SLC25A43: variants seen among roughly 807,000 people sequenced by gnomAD.
The protein encoded by SLC25A43 is solute carrier family 25, member 43.
In SLC25A43, 10 loss-of-function variants were observed where a neutral mutation model predicts 22.8. The ratio of observed to expected loss-of-function variants is 0.44; its 90% CI spans 0.27 to 0.74. SLC25A43 has a LOEUF of 0.74. Ranked by LOEUF, SLC25A43 falls within the 30% of genes least tolerant of loss-of-function variation. The pLI, the probability that SLC25A43 is intolerant of heterozygous loss-of-function variation, is 0.17. For missense variants in SLC25A43, 233 were observed against 279.1 expected, an observed-to-expected ratio of 0.83 and a Z score of 1.18; for synonymous variants, 106 against 121.6, an observed-to-expected ratio of 0.87 and a Z score of 0.84.
chrX:119,408,855 C>T (rs2052321914), intron 2 of SLC25A43, among the ~76,000 whole-genome samples: 1 of 110,575 alleles, frequency 9.0e-6, no homozygotes, highest in Non-Finnish European at 1.9e-5. Context: ...ATGATATGAC[C>T]ATGTCATTCC....
At chrX:119,433,056 C>T (rs2052568042) in intron 3 of SLC25A43, among the ~76,000 whole-genome samples, 1 of 111,389 alleles carries the variant, frequency 9.0e-6, no homozygotes, top group African/African-American at 3.3e-5. Context: ...CGAGATTGCA[C>T]CACTGCACTC....
intron 4 of SLC25A43, among the ~76,000 whole-genome samples, chrX:119,452,502 A>C (rs554987615): frequency 1.6e-3 from 180 of 111,117 alleles, no homozygotes; most frequent in South Asian, 6.4e-3. Flanking sequence ...CAAAAAAAAA[A>C]AAAAACAAAA....
At chrX:119,413,228 T>G (rs772842365) in intron 3 of SLC25A43, among the ~76,000 whole-genome samples, 2 of 111,264 alleles carry the variant, frequency 1.8e-5, no homozygotes, top group East Asian at 5.6e-4. Context: ...TGTAGAAAAT[T>G]TGGGACATAC....
chrX:119,401,965 AT>A (rs2052242407), intron 1 of SLC25A43, among the ~76,000 whole-genome samples: 2 of 110,629 alleles, frequency 1.8e-5, no homozygotes, highest in African/African-American at 3.3e-5. Context: ...TTTGCTAGGA[AT>A]TTTTTTTCCC....
At chrX:119,408,690 T>G (rs144518174) in intron 2 of SLC25A43, among the ~76,000 whole-genome samples, 173 of 112,195 alleles carry the variant, frequency 1.5e-3, no homozygotes, top group African/African-American at 5.4e-3. Flanking sequence ...ATTTTAAATT[T>G]CATTTTGAGG....
intron 3 of SLC25A43, among the ~76,000 whole-genome samples, chrX:119,444,675 C>A (rs1271225735): frequency 1.8e-4 from 19 of 104,519 alleles, no homozygotes; most frequent in Non-Finnish European, 3.1e-4. Context: ...TGCACTCCAG[C>A]CTGGGCAAAA....
At chrX:119,446,838 G>C (rs184248815) in intron 3 of SLC25A43, among the ~76,000 whole-genome samples, 26 of 112,398 alleles carry the variant, frequency 2.3e-4, no homozygotes, top group Admixed American at 8.5e-4. Flanking sequence ...CCAGTCCTCA[G>C]AGTTCACAGA....
chrX:119,452,565 G>C (rs1054638482), intron 4 of SLC25A43, among the ~76,000 whole-genome samples: 1 of 110,502 alleles, frequency 9.0e-6, no homozygotes, highest in African/African-American at 3.3e-5. Context: ...GCATGTAAAT[G>C]ATTCCAGTCA....
At chrX:119,419,835 C>T (rs373006091) in intron 3 of SLC25A43, among the ~76,000 whole-genome samples, 3 of 111,646 alleles carry the variant, frequency 2.7e-5, no homozygotes, top group Non-Finnish European at 5.6e-5. Flanking sequence ...CCCGGTTAAC[C>T]TTGAGCCCTG....
intron 3 of SLC25A43, among the ~76,000 whole-genome samples, chrX:119,446,151 CAAAAAAAAAAAAAAAAAA>C (rs3078475): frequency 2.6e-5 from 1 of 38,697 alleles, no homozygotes; most frequent in African/African-American, 1.0e-4. Context: ...GACTCCATCT[CAAAAAAAAAAAAAAAAAA>C]AAAAAAAAAG....
At chrX:119,430,821 C>G (rs1290102372) in intron 3 of SLC25A43, among the ~76,000 whole-genome samples, 2 of 112,003 alleles carry the variant, frequency 1.8e-5, no homozygotes, top group Non-Finnish European at 3.8e-5. Flanking sequence ...AACCAGCACC[C>G]CATACTTGCC....
chrX:119,443,159 A>G (rs1462916824), intron 3 of SLC25A43, among the ~76,000 whole-genome samples: 3 of 86,293 alleles, frequency 3.5e-5, no homozygotes, highest in Non-Finnish European at 6.3e-5. Context: ...TCACTCTGTC[A>G]CCCAGGCTGG....
chrX:119,409,879 G>A (rs1276681263), intron 2 of SLC25A43, among the ~76,000 whole-genome samples: 3 of 112,401 alleles, frequency 2.7e-5, no homozygotes, highest in East Asian at 2.8e-4. Context: ...GCCTCCCAAA[G>A]TGCTGGGATT....
chrX:119,435,567 C>T (rs1433265798), intron 3 of SLC25A43, among the ~76,000 whole-genome samples: 1 of 59,004 alleles, frequency 1.7e-5, no homozygotes, highest in African/African-American at 6.6e-5. Context: ...GCGCTGCACC[C>T]ACTAATGTGT....
chrX:119,425,259 A>T (rs1168064172), intron 3 of SLC25A43, among the ~76,000 whole-genome samples: 1 of 111,884 alleles, frequency 8.9e-6, no homozygotes, highest in Non-Finnish European at 1.9e-5. Flanking sequence ...GACTGGGAAG[A>T]AAGCCCGCCT....
chrX:119,416,281 G>A (rs1337468429), intron 3 of SLC25A43, among the ~76,000 whole-genome samples: 2 of 109,213 alleles, frequency 1.8e-5, no homozygotes, highest in African/African-American at 3.3e-5. Flanking sequence ...GTGCAGTGGC[G>A]TGATCTCAGC....
In SLC25A43 at chrX:119,406,493, C is replaced by T. The variant is rs913690836; in HGVS notation, c.309C>T (p.His103=). Residue 103 remains histidine (H), a synonymous_variant, in exon 2 of 5, where the codon CAC becomes CAT. Coordinates refer to ENST00000217909, the MANE Select transcript of SLC25A43 (RefSeq NM_145305.3). ...FVVLFTDDLG[H]ISQWSSIMAG... The stretch of plus-strand genomic sequence containing the variant: ...TGCTGTTCACAGATGACCTGGGCCA[C>T]ATTTCCCAGTGGAGCTCCATCATGG... 3 of 1,209,794 alleles carry T rather than the reference C, an allele frequency of 2.5e-6. No homozygotes were observed. The highest frequency in any genetic ancestry group is 4.4e-5 in the Admixed American group (2 of 45,762).
intron 1 of SLC25A43, among the ~76,000 whole-genome samples, chrX:119,405,986 C>G (rs181631151): frequency 2.1e-3 from 229 of 111,156 alleles, no homozygotes; most frequent in Admixed American, 4.1e-3. Context: ...GAGCCGAGAT[C>G]GTGCCACTGC....
At chrX:119,422,668 T>C (rs2052464705) in intron 3 of SLC25A43, among the ~76,000 whole-genome samples, 1 of 111,284 alleles carries the variant, frequency 9.0e-6, no homozygotes, top group Admixed American at 9.6e-5. Flanking sequence ...CTACCCAAGA[T>C]GAAGGTAAGA....
Sources: gnomAD v4.1 joint callset for allele counts (sites outside exome capture counted in the v4.1 genomes callset) on GRCh38, gnomAD v4.1.1 for gene constraint, MANE v1.5 for transcripts, NCBI Gene and HGNC (gene_info 2026-07-23, HGNC 2026-07-21) for gene names.